GCLC: variants seen among roughly 807,000 people sequenced by gnomAD.
GCLC encodes the protein glutamate--cysteine ligase catalytic subunit.
GCLC carries 30 observed loss-of-function variants against 81.5 expected under a neutral mutation model. The ratio of observed to expected loss-of-function variants is 0.37; its 90% CI spans 0.28 to 0.50. GCLC has a LOEUF of 0.50. Ranked by LOEUF, GCLC falls within the 20% of genes least tolerant of loss-of-function variation. The probability of loss-of-function intolerance (pLI) is 0.96; values close to 1 mark genes in which losing one functional copy is unlikely to be tolerated. For synonymous variants in GCLC, 262 were observed against 273.3 expected (o/e 0.96, Z 0.41); for missense variants, 556 against 777.4 (o/e 0.72, Z 3.39).
chr6:53,520,735 A>T, intron 3 of GCLC, 43 bp downstream of exon 3: 1 of 1,521,908 alleles, frequency 6.6e-7, no homozygotes, highest in Non-Finnish European at 9.1e-7. Context: ...CATTACCTGT[A>T]TCTCTGAGAG....
At chr6:53,535,024 G>C (rs1051897434) in intron 1 of GCLC, among the ~76,000 whole-genome samples, 4 of 152,150 alleles carry the variant, frequency 2.6e-5, no homozygotes, top group African/African-American at 9.7e-5. Context: ...AGTTGAAAAA[G>C]AATAAAGCTA....
Position 53,544,739 on chromosome 6 carries a change from C to A in GCLC, c.-94G>T. The A allele has an allele frequency of 7.8e-7, 1 of 1,276,530 alleles. No homozygotes were observed. Among genetic ancestry groups the A allele is most frequent in the Non-Finnish European group, 1.1e-6 (1 of 945,388 alleles). 79.1% of individuals were successfully genotyped at this position (1,276,530 alleles called of 1,614,324 possible). ...ACACTCAGCCGCCCGCAGAAGGCGG[C>A]TGCCGCTCCACCCCGCGGGGGCGCT... On this transcript the variant is annotated 5_prime_UTR_variant, in exon 1 of 16. Coordinates refer to ENST00000650454, the MANE Select transcript of GCLC (RefSeq NM_001498.4).
At chr6:53,500,656 A>G (rs893693547) in intron 12 of GCLC, 143 bp from the exon 13 acceptor site, 14 of 704,160 alleles carry the variant, frequency 2.0e-5, no homozygotes, top group Non-Finnish European at 2.6e-5. Flanking sequence ...TGGGAGGAAC[A>G]GGCTTTTTAT....
At position 53,506,198 on chromosome 6, in the gene GCLC, C is replaced by T; in HGVS notation, c.1198-303G>A. 1 of 364,218 alleles carries T rather than the reference C, an allele frequency of 2.7e-6. No individual in the cohort carries two copies. The highest frequency in any genetic ancestry group is 5.2e-6 in the Non-Finnish European group (1 of 190,576). 22.6% of individuals were successfully genotyped at this position (364,218 alleles called of 1,614,324 possible). A position where few individuals can be genotyped will look rare whatever the true frequency, so the allele number is the denominator to read the frequency against. Reference sequence around the variant, plus strand: ...GAGCCACGGGGCCCCCACCTTCATCCCTGAGAATTTTAGGAGCCAGCCTGC... The same window carrying T: ...GAGCCACGGGGCCCCCACCTTCATCTCTGAGAATTTTAGGAGCCAGCCTGC... On this transcript the variant is annotated intron_variant, in intron 10 of 15. Coordinates refer to ENST00000650454, the MANE Select transcript of GCLC (RefSeq NM_001498.4). This position sits in a 1 kb window ranked among gnomAD's most constrained non-coding sequence, Gnocchi z 4.0.
At chr6:53,531,529 C>A (rs1298313226) in intron 1 of GCLC, among the ~76,000 whole-genome samples, 1 of 152,172 alleles carries the variant, frequency 6.6e-6, no homozygotes, top group Non-Finnish European at 1.5e-5. Flanking sequence ...AGCATTAGGA[C>A]CAATCTTCTC....
At chr6:53,507,200 C>T (rs17879084) in intron 9 of GCLC, 175 bp from the exon 10 acceptor site, 35 of 681,402 alleles carry the variant, frequency 5.1e-5, no homozygotes, top group East Asian at 1.6e-4. Context: ...GCGGACACTG[C>T]GGGAGTGTCA....
At chr6:53,513,354 A>G (rs1188619174) in intron 6 of GCLC, 1 of 152,258 alleles carries the variant, frequency 6.6e-6, no homozygotes, top group Non-Finnish European at 1.5e-5. Context: ...AGTAATCACA[A>G]CTGGATAAAA....
Position 53,506,733 on chromosome 6 carries a change from G to T in GCLC, c.1197+180C>A. On this transcript the variant is annotated intron_variant, in intron 10 of 15. Coordinates refer to ENST00000650454, the MANE Select transcript of GCLC (RefSeq NM_001498.4). This position sits in a 1 kb window ranked among gnomAD's most constrained non-coding sequence, Gnocchi z 4.0. ...AGTACTTGAAACCGATTTTTTATTT[G>T]TCCAAGTTCTTTACTGCACTGGGTA... 1.7e-6 allele frequency: 1 copy of T among 589,046 alleles called. No homozygotes were observed. Among genetic ancestry groups the T allele is most frequent in the Non-Finnish European group, 3.1e-6 (1 of 327,700 alleles). 36.5% of individuals were successfully genotyped at this position (589,046 alleles called of 1,614,324 possible). A position where few individuals can be genotyped will look rare whatever the true frequency, so the allele number is the denominator to read the frequency against.
rs2268328 is a variant in GCLC, at chr6:53,530,026, T to C, written c.151-7499A>G. Among the ~76,000 whole-genome samples the C allele has an allele frequency of 1.9e-3, 288 of 152,356 alleles. 7 individuals carry two copies. The East Asian group carries it at 0.047, about 25-fold the overall frequency. Reference sequence around the variant, plus strand: ...TAGGCTGCCCTAAATTCAGACTGCCTATGAGAAATTCAGGATTTTAGTTCC... The same window carrying C: ...TAGGCTGCCCTAAATTCAGACTGCCCATGAGAAATTCAGGATTTTAGTTCC... On this transcript the variant is annotated intron_variant, in intron 1 of 15. Coordinates refer to ENST00000650454, the MANE Select transcript of GCLC (RefSeq NM_001498.4).
At chr6:53,535,874 A>G (rs948303109) in intron 1 of GCLC, among the ~76,000 whole-genome samples, 2 of 152,264 alleles carry the variant, frequency 1.3e-5, no homozygotes, top group Admixed American at 1.3e-4. Context: ...AGAATGCAAA[A>G]TGGTATAACC....
intron 3 of GCLC, among the ~76,000 whole-genome samples, chr6:53,518,440 G>A (rs1446843602): frequency 2.6e-5 from 4 of 151,970 alleles, no homozygotes; most frequent in East Asian, 1.9e-4. Flanking sequence ...TTGTAAAGAC[G>A]GGGTTTCACC....
At chr6:53,515,342 T>C (rs17885403) in intron 4 of GCLC, among the ~76,000 whole-genome samples, 21,393 of 152,308 alleles carry the variant, frequency 0.14, 1,562 homozygotes, top group South Asian at 0.16. Context: ...TGGTGCATCT[T>C]TTGACATCTG....
At chr6:53,518,822 A>C (rs1237919477) in intron 3 of GCLC, among the ~76,000 whole-genome samples, 1 of 152,206 alleles carries the variant, frequency 6.6e-6, no homozygotes, top group East Asian at 1.9e-4. Context: ...TTTCCAGTTC[A>C]CTAGAAGTTG....
chr6:53,529,426 C>T (rs1466141101), intron 1 of GCLC, among the ~76,000 whole-genome samples: 1 of 152,122 alleles, frequency 6.6e-6, no homozygotes, highest in Non-Finnish European at 1.5e-5. Context: ...TATTTCTGAA[C>T]CAAATCTAGC....
At chr6:53,539,773 C>CCACTTTTATCTACCACACA (rs1273539645) in intron 1 of GCLC, among the ~76,000 whole-genome samples, 2 of 152,144 alleles carry the variant, frequency 1.3e-5, no homozygotes, top group African/African-American at 4.8e-5. Flanking sequence ...TCCACCACAC[C>CCACTTTTATCTACCACACA]CACTTTTATC....
intron 4 of GCLC, among the ~76,000 whole-genome samples, chr6:53,515,404 C>T (rs1277495065): frequency 6.6e-6 from 1 of 152,208 alleles, no homozygotes; most frequent in Non-Finnish European, 1.5e-5. Flanking sequence ...TTCCTTTAAA[C>T]ACATGACAAC....
chr6:53,512,441 C>G (rs1764772603), intron 6 of GCLC, among the ~76,000 whole-genome samples: 1 of 150,658 alleles, frequency 6.6e-6, no homozygotes, highest in African/African-American at 2.4e-5. Flanking sequence ...AATAGATGTA[C>G]ACAGTTTCAG....
chr6:53,533,968 A>ATTTTTAGTAGAGAGGGGGTT (rs1763215535), intron 1 of GCLC, among the ~76,000 whole-genome samples: 1 of 151,756 alleles, frequency 6.6e-6, no homozygotes, highest in Non-Finnish European at 1.5e-5. Context: ...CTAATTTTGT[A>ATTTTTAGTAGAGAGGGGGTT]TTTTTAGTAG....
At chr6:53,501,814 T>A (rs763262480) in intron 12 of GCLC, among the ~76,000 whole-genome samples, 1 of 152,242 alleles carries the variant, frequency 6.6e-6, no homozygotes, top group African/African-American at 2.4e-5. Context: ...TTGAAAAAAG[T>A]TCATAACGAC....
Sources: gnomAD v4.1 joint callset for allele counts (sites outside exome capture counted in the v4.1 genomes callset) on GRCh38, gnomAD v4.1.1 for gene constraint, Gnocchi (gnomAD v3.1) non-coding constraint, MANE v1.5 for transcripts, NCBI Gene and HGNC (gene_info 2026-07-23, HGNC 2026-07-21) for gene names.